LUZP2: variants seen among roughly 807,000 people sequenced by gnomAD.
LUZP2 encodes the protein leucine zipper protein 2.
Under a neutral mutation model 51.6 loss-of-function variants are expected in LUZP2, and 52 were observed. The ratio of observed to expected loss-of-function variants is 1.01; its 90% CI spans 0.81 to 1.27. LUZP2 has a LOEUF of 1.27. LUZP2 is among the 50% of genes most tolerant of loss of function. The pLI is 0.00. For synonymous variants in LUZP2, 154 were observed against 137.3 expected (o/e 1.12, Z -0.85); for missense variants, 436 against 395.4 (o/e 1.10, Z -0.87).
intron 9 of LUZP2, among the ~76,000 whole-genome samples, chr11:25,002,197 G>A (rs552285123): frequency 6.6e-6 from 1 of 152,298 alleles, no homozygotes; most frequent in South Asian, 2.1e-4. Flanking sequence ...TGGTCCCTTG[G>A]GGAAGAGGCT....
intron 1 of LUZP2, among the ~76,000 whole-genome samples, chr11:24,602,073 C>CATATATAT (rs1554961869): frequency 3.5e-5 from 3 of 86,028 alleles, no homozygotes; most frequent in African/African-American, 8.6e-5. Flanking sequence ...TATATATATG[C>CATATATAT]GTATATATGT....
chr11:24,621,405 A>ATT (rs148994649), intron 1 of LUZP2, among the ~76,000 whole-genome samples: 8 of 151,354 alleles, frequency 5.3e-5, no homozygotes, highest in Admixed American at 2.0e-4. Context: ...AGGTAAATCT[A>ATT]TTTTTTTTTA....
intron 7 of LUZP2, among the ~76,000 whole-genome samples, chr11:24,931,484 T>C (rs188162259): frequency 1.3e-5 from 2 of 152,264 alleles, no homozygotes; most frequent in East Asian, 3.9e-4. Context: ...CCCAGGGGAC[T>C]GGCATTCAGC....
chr11:24,498,960 A>T, intron 1 of LUZP2, among the ~76,000 whole-genome samples: 1 of 152,188 alleles, frequency 6.6e-6, no homozygotes, highest in Admixed American at 6.5e-5. Context: ...TGAATGAAAA[A>T]GCTCTATAGT....
chr11:24,885,725 T>C (rs1852649145), intron 5 of LUZP2, among the ~76,000 whole-genome samples: 1 of 152,128 alleles, frequency 6.6e-6, no homozygotes, highest in South Asian at 2.1e-4. Flanking sequence ...GCAGGTAGTA[T>C]AAGAGATTAT....
At chr11:24,756,110 T>C (rs1176628357) in intron 4 of LUZP2, among the ~76,000 whole-genome samples, 1 of 152,188 alleles carries the variant, frequency 6.6e-6, no homozygotes. Context: ...TGGCTTCAAC[T>C]GTAGGCAAAG....
intron 8 of LUZP2, among the ~76,000 whole-genome samples, chr11:24,976,972 T>A (rs1197168523): frequency 2.6e-5 from 4 of 151,748 alleles, no homozygotes; most frequent in Non-Finnish European, 4.4e-5. Flanking sequence ...AAGCATCAAC[T>A]AAGGCACTAT....
chr11:25,019,347 T>G (rs184207589), intron 9 of LUZP2, among the ~76,000 whole-genome samples: 3 of 152,150 alleles, frequency 2.0e-5, no homozygotes, highest in African/African-American at 7.2e-5. Context: ...AAATAATAAG[T>G]TGCTCACAAA....
chr11:24,520,475 G>A lies in LUZP2; in HGVS notation c.62+23170G>A, dbSNP rs1296790751. ...AAAGCACACATATAATGAAAAGGTT[G>A]TATAATTATTGCACTTGTACAGAAG... is the stretch of plus-strand genomic sequence containing the variant. On this transcript the variant is annotated intron_variant, in intron 1 of 11. Coordinates refer to ENST00000336930, the MANE Select transcript of LUZP2 (RefSeq NM_001009909.4). Among the ~76,000 whole-genome samples, 3 of 152,174 alleles carry A rather than the reference G, an allele frequency of 2.0e-5. No individual in the cohort carries two copies. In the East Asian group the frequency reaches 5.8e-4, roughly 29 times the overall value.
chr11:24,774,352 C>A (rs1848842437), intron 5 of LUZP2, among the ~76,000 whole-genome samples: 1 of 81,790 alleles, frequency 1.2e-5, no homozygotes, highest in African/African-American at 5.1e-5. Context: ...CTCTCTCTCT[C>A]TCTCTCTCTC....
At chr11:24,870,553 C>T (rs960825940) in intron 5 of LUZP2, among the ~76,000 whole-genome samples, 7 of 151,598 alleles carry the variant, frequency 4.6e-5, no homozygotes, top group African/African-American at 1.7e-4. Context: ...TTACTTGTGA[C>T]TAAGAAATCT....
At chr11:25,040,443 A>T (rs887249464) in intron 9 of LUZP2, among the ~76,000 whole-genome samples, 2 of 148,348 alleles carry the variant, frequency 1.3e-5, no homozygotes, top group Non-Finnish European at 3.0e-5. Context: ...ACAGTAACAA[A>T]TTCTGTCAAC....
At chr11:25,018,574 A>ATAATACTATC (rs1275736460) in intron 9 of LUZP2, among the ~76,000 whole-genome samples, 1 of 149,626 alleles carries the variant, frequency 6.7e-6, no homozygotes, top group Non-Finnish European at 1.5e-5. Context: ...GAGCTATAAT[A>ATAATACTATC]TAATACTATC....
At chr11:24,834,064 T>C (rs1850784820) in intron 5 of LUZP2, among the ~76,000 whole-genome samples, 1 of 152,188 alleles carries the variant, frequency 6.6e-6, no homozygotes, top group South Asian at 2.1e-4. Flanking sequence ...AGTTGGATTT[T>C]TTTTTGTTTT....
At chr11:24,590,855 A>G (rs116870752) in intron 1 of LUZP2, among the ~76,000 whole-genome samples, 5 of 152,298 alleles carry the variant, frequency 3.3e-5, no homozygotes, top group Non-Finnish European at 7.3e-5. Context: ...TTTTGTAGTA[A>G]CATCCCTCCT....
intron 1 of LUZP2, among the ~76,000 whole-genome samples, chr11:24,563,454 A>G (rs1001557987): frequency 6.6e-6 from 1 of 152,220 alleles, no homozygotes; most frequent in African/African-American, 2.4e-5. Flanking sequence ...CCTTGCTTTC[A>G]TAGATCTTAC....
chr11:24,861,655 G>A (rs1851745846), intron 5 of LUZP2, among the ~76,000 whole-genome samples: 1 of 152,190 alleles, frequency 6.6e-6, no homozygotes, highest in Non-Finnish European at 1.5e-5. Context: ...GCCACTAGTG[G>A]CCGAAGAATG....
intron 5 of LUZP2, among the ~76,000 whole-genome samples, chr11:24,836,299 A>C: frequency 6.6e-6 from 1 of 151,258 alleles, no homozygotes; most frequent in African/African-American, 2.5e-5. Flanking sequence ...CACTGTTTTT[A>C]ATATTATAAA....
At chr11:24,901,058 G>T (rs1019719390) in intron 5 of LUZP2, among the ~76,000 whole-genome samples, 4 of 151,938 alleles carry the variant, frequency 2.6e-5, no homozygotes, top group African/African-American at 9.7e-5. Flanking sequence ...ATTGTCTCCA[G>T]ATAAAAACAA....
Sources: gnomAD v4.1 joint callset for allele counts (sites outside exome capture counted in the v4.1 genomes callset) on GRCh38, gnomAD v4.1.1 for gene constraint, MANE v1.5 for transcripts, NCBI Gene and HGNC (gene_info 2026-07-23, HGNC 2026-07-21) for gene names.